The following P3H2 variants were observed in gnomAD, a reference collection of about 807,000 sequenced individuals.
The protein encoded by P3H2 is leprecan-like 1.
P3H2 carries 80 observed loss-of-function variants against 87.0 expected under a neutral mutation model. The ratio of observed to expected loss-of-function variants is 0.92; its 90% CI spans 0.77 to 1.11. P3H2 has a LOEUF of 1.11. Among genes scored for constraint, P3H2 ranks in the 50% least tolerant of loss-of-function variants. The probability of loss-of-function intolerance (pLI) is 0.00; values close to 1 mark genes in which losing one functional copy is unlikely to be tolerated. For synonymous variants in P3H2, 367 were observed against 359.3 expected (o/e 1.02, Z -0.24); for missense variants, 1,001 against 923.9 (o/e 1.08, Z -1.08).
chr3:190,052,934 G>A (rs1282601602), intron 1 of P3H2, among the ~76,000 whole-genome samples: 7 of 152,086 alleles, frequency 4.6e-5, no homozygotes, highest in East Asian at 1.9e-4. Flanking sequence ...TGAGGCAACC[G>A]TTGATCTGCT....
At chr3:190,071,978 GTTTTT>G (rs60227697) in intron 1 of P3H2, among the ~76,000 whole-genome samples, 1 of 119,240 alleles carries the variant, frequency 8.4e-6, no homozygotes, top group South Asian at 2.7e-4. Flanking sequence ...AAGATGAAGG[GTTTTT>G]TTTTTTTTTT....
At chr3:190,121,288 A>AGATG (rs1712578699), upstream of P3H2, among the ~76,000 whole-genome samples, 2 of 151,864 alleles carry the variant, frequency 1.3e-5, no homozygotes, top group Admixed American at 6.6e-5. Context: ...TGCCATGTGT[A>AGATG]CCTACGCAAC....
chr3:190,045,980 A>G (rs924528555), intron 1 of P3H2, among the ~76,000 whole-genome samples: 28 of 152,214 alleles, frequency 1.8e-4, no homozygotes, highest in Admixed American at 1.0e-3. Flanking sequence ...AAAATTAGCC[A>G]GCCGTGGTGG....
chr3:190,017,144 C>A (rs934467130), intron 1 of P3H2, among the ~76,000 whole-genome samples: 1 of 152,120 alleles, frequency 6.6e-6, no homozygotes, highest in Admixed American at 6.5e-5. Flanking sequence ...GTTCCTTAGT[C>A]CCTTTCCAGC....
rs1577237437 is a variant in P3H2, at chr3:189,957,249, A to C, written c.*663T>G. On this transcript the variant is annotated 3_prime_UTR_variant, in exon 15 of 15. Transcript: ENST00000319332. ...CTCTGCCAGGGGCTCCTCAGACCCA[A>C]AGTGGAGCTCACTTTGGAGAGTCGG... 2.5e-6 allele frequency: 1 copy of C among 399,236 alleles called. No homozygotes were observed. The highest frequency in any genetic ancestry group is 3.6e-5 in the East Asian group (1 of 28,040). 24.7% of individuals were successfully genotyped at this position (399,236 alleles called of 1,614,324 possible).
At chr3:189,997,279 T>A (rs1724081507) in intron 1 of P3H2, among the ~76,000 whole-genome samples, 1 of 152,180 alleles carries the variant, frequency 6.6e-6, no homozygotes, top group Admixed American at 6.5e-5. Context: ...TTCACATATT[T>A]ACATATGCTT....
intron 8 of P3H2, among the ~76,000 whole-genome samples, chr3:189,979,416 A>G (rs1413328908): frequency 6.6e-6 from 1 of 152,064 alleles, no homozygotes; most frequent in African/African-American, 2.4e-5. Context: ...CAACAGAGTG[A>G]GGCTCTGGCT....
chr3:189,973,241 C>A, intron 10 of P3H2: 2 of 553,754 alleles, frequency 3.6e-6, no homozygotes, highest in Admixed American at 6.2e-5. Context: ...CTTGGTTCCT[C>A]TTCTCTTCTA....
intron 8 of P3H2, among the ~76,000 whole-genome samples, chr3:189,980,901 G>A (rs74495266): frequency 1.3e-5 from 2 of 152,226 alleles, no homozygotes; most frequent in African/African-American, 2.4e-5. Flanking sequence ...GATTAGGAAA[G>A]TGAAACTTTT....
intron 13 of P3H2, among the ~76,000 whole-genome samples, chr3:189,967,277 G>T (rs1257604911): frequency 6.6e-6 from 1 of 151,420 alleles, no homozygotes; most frequent in Admixed American, 6.6e-5. Context: ...TTTAGGGGAG[G>T]TTAGATTCTG....
intron 1 of P3H2, among the ~76,000 whole-genome samples, chr3:190,017,108 C>T (rs934584781): frequency 2.0e-5 from 3 of 152,188 alleles, no homozygotes; most frequent in Non-Finnish European, 2.9e-5. Context: ...GGAGCTGCTG[C>T]ATCTTCTCTG....
At chr3:189,979,156 G>A (rs1034686169) in intron 8 of P3H2, among the ~76,000 whole-genome samples, 1 of 152,138 alleles carries the variant, frequency 6.6e-6, no homozygotes, top group East Asian at 1.9e-4. Context: ...AGGCACGGTG[G>A]CTCACACCTG....
At chr3:190,016,539 C>T (rs7616498) in intron 1 of P3H2, among the ~76,000 whole-genome samples, 30,458 of 152,128 alleles carry the variant, frequency 0.2, 3,311 homozygotes, top group Non-Finnish European at 0.25. Context: ...CCACTGCACC[C>T]GGCCTGCTTA....
intron 3 of P3H2, among the ~76,000 whole-genome samples, chr3:189,991,677 G>A (rs138902353): frequency 1.8e-3 from 274 of 152,320 alleles, no homozygotes; most frequent in African/African-American, 6.4e-3. Flanking sequence ...CATATTTAAG[G>A]AATCAAAAAG....
At chr3:190,111,226 G>A (rs185797129) in intron 1 of P3H2, among the ~76,000 whole-genome samples, 5 of 152,260 alleles carry the variant, frequency 3.3e-5, no homozygotes, top group Admixed American at 2.6e-4. Context: ...TTTATTTCAG[G>A]GTCTCTTTCA....
In P3H2 at chr3:190,069,369, A is replaced by C. The variant is rs185059499; in HGVS notation, c.480+50883T>G. Among the ~76,000 whole-genome samples the C allele has an allele frequency of 2.0e-5, 3 of 152,284 alleles. No individual in the cohort carries two copies. In the East Asian group the frequency reaches 5.8e-4, roughly 29 times the overall value. On this transcript the variant is annotated intron_variant, in intron 1 of 14. Transcript: ENST00000319332. ...CTTTTGACATTTCACTGATTTCAGG[A>C]CTAGAAAAAATGGAAAGTTCACAGT...
chr3:190,114,683 T>C (rs557980949), intron 1 of P3H2, among the ~76,000 whole-genome samples: 1 of 152,214 alleles, frequency 6.6e-6, no homozygotes, highest in Admixed American at 6.5e-5. Flanking sequence ...GAGTGAGACA[T>C]AAAGATGGTG....
intron 1 of P3H2, among the ~76,000 whole-genome samples, chr3:190,073,093 A>G (rs1489443765): frequency 6.6e-6 from 1 of 152,220 alleles, no homozygotes; most frequent in Non-Finnish European, 1.5e-5. Context: ...GTTTGTGATC[A>G]ATGTGGTGAA....
intron 1 of P3H2, among the ~76,000 whole-genome samples, chr3:190,042,961 T>G (rs1482974148): frequency 1.3e-5 from 2 of 152,232 alleles, no homozygotes; most frequent in Non-Finnish European, 2.9e-5. Context: ...ATTTGAAATG[T>G]AATCACTAGA....
Sources: allele counts gnomAD v4.1 joint callset (sites outside exome capture counted in the v4.1 genomes callset), GRCh38; gene constraint gnomAD v4.1.1; transcripts MANE v1.5; gene names NCBI Gene and HGNC (gene_info 2026-07-23, HGNC 2026-07-21).